The following WDR64 variants were observed in gnomAD, a reference collection of about 807,000 sequenced individuals.
The protein encoded by WDR64 is WD repeat-containing protein 64.
In WDR64, 112 loss-of-function variants were observed where a neutral mutation model predicts 139.3. The ratio of observed to expected loss-of-function variants is 0.80; its 90% CI spans 0.69 to 0.94. WDR64 has a LOEUF of 0.94. Ranked by LOEUF, WDR64 falls within the 40% of genes least tolerant of loss-of-function variation. The pLI is 0.00. For missense variants in WDR64, 1,206 were observed against 1,293.1 expected (o/e 0.93, Z 1.03); for synonymous variants, 444 against 437.7 (o/e 1.01, Z -0.18).
At chr1:241,699,273 A>G (rs951435734) in intron 8 of WDR64, among the ~76,000 whole-genome samples, 5 of 152,228 alleles carry the variant, frequency 3.3e-5, no homozygotes, top group African/African-American at 1.2e-4. Flanking sequence ...TTACCAATAC[A>G]TGCAACATTC....
chr1:241,657,115 T>C (rs1225671559), intron 1 of WDR64, among the ~76,000 whole-genome samples: 1 of 149,258 alleles, frequency 6.7e-6, no homozygotes, highest in East Asian at 1.9e-4. Context: ...CCACTTACCA[T>C]CCAACTGGGG....
At chr1:241,725,937 C>T (rs1482990825) in intron 10 of WDR64, among the ~76,000 whole-genome samples, 2 of 152,130 alleles carry the variant, frequency 1.3e-5, no homozygotes, top group South Asian at 2.1e-4. Flanking sequence ...GCTGTCTTGA[C>T]CTACTGGGCT....
chr1:241,771,951 T>TACATAC (rs1658465967), intron 19 of WDR64, among the ~76,000 whole-genome samples: 3 of 45,176 alleles, frequency 6.6e-5, no homozygotes, highest in South Asian at 8.6e-4. Context: ...CATACATATA[T>TACATAC]ATATATATAT....
chr1:241,765,903 G>A (rs553096114), intron 15 of WDR64, among the ~76,000 whole-genome samples: 12 of 152,160 alleles, frequency 7.9e-5, no homozygotes, highest in East Asian at 1.9e-4. Context: ...AACGACGAAC[G>A]TAGAATATTC....
chr1:241,684,737 T>A (rs953283246), intron 7 of WDR64, among the ~76,000 whole-genome samples: 4 of 152,108 alleles, frequency 2.6e-5, no homozygotes, highest in Non-Finnish European at 5.9e-5. Flanking sequence ...ATCAGTATGG[T>A]TATCACAGCT....
chr1:241,749,443 A>G, intron 13 of WDR64, 104 bp from the exon 14 acceptor site: 1 of 1,344,176 alleles, frequency 7.4e-7, no homozygotes, highest in Non-Finnish European at 1.0e-6. Context: ...TATAGGATAA[A>G]TTGTTGGCAG....
intron 17 of WDR64, among the ~76,000 whole-genome samples, chr1:241,769,949 A>G (rs11587777): frequency 0.17 from 25,340 of 152,178 alleles, 2,453 homozygotes; most frequent in African/African-American, 0.24. Flanking sequence ...CCATTTCTGA[A>G]AGAGCAAGGG....
intron 21 of WDR64, among the ~76,000 whole-genome samples, chr1:241,779,131 C>A (rs1658760289): frequency 6.6e-6 from 1 of 151,994 alleles, no homozygotes; most frequent in Non-Finnish European, 1.5e-5. Flanking sequence ...GTTAATTTTG[C>A]AAAGTACAGA....
chr1:241,797,460 A>G (rs1659399925), intron 27 of WDR64, among the ~76,000 whole-genome samples: 1 of 152,204 alleles, frequency 6.6e-6, no homozygotes, highest in Non-Finnish European at 1.5e-5. Context: ...AATTTTTTAT[A>G]AGTCTCCTTT....
intron 7 of WDR64, 70 bp downstream of exon 7, chr1:241,683,771 C>T (rs891317990): frequency 5.8e-6 from 7 of 1,204,140 alleles, no homozygotes; most frequent in Non-Finnish European, 6.7e-6. Flanking sequence ...CTTTATGGTA[C>T]AAAGTGAAAA....
In WDR64 at chr1:241,656,776, T is replaced by G. The variant is rs1665610968; in HGVS notation, c.146-3754T>G. 6.6e-6 allele frequency among the ~76,000 whole-genome samples: 1 copy of G among 152,086 alleles called. No individual in the cohort carries two copies. Among genetic ancestry groups the G allele is most frequent in the South Asian group, 2.1e-4 (1 of 4,824 alleles). ...GGGCTGTCTTGTGCATTGTAGGATG[T>G]TAAGCAGCGTCCTTGGCCTCTACTC... On this transcript the variant is annotated intron_variant, in intron 1 of 27. Transcript: ENST00000437684. This position sits in a 1 kb window ranked among gnomAD's most constrained non-coding sequence, Gnocchi z 4.3.
At position 241,652,446 on chromosome 1, in the gene WDR64, A is replaced by G; in HGVS notation, c.-39A>G. 1 of 1,531,716 alleles carries G rather than the reference A, an allele frequency of 6.5e-7. No homozygotes were observed. The highest frequency in any genetic ancestry group is 8.8e-7 in the Non-Finnish European group (1 of 1,139,102). The allele number at this position is 1,531,716 out of a possible 1,614,324, so 94.9% of individuals were successfully genotyped here. The stretch of plus-strand genomic sequence containing the variant: ...TTTTCCAAATTGGTAAACTTGCAGT[A>G]TTCTTTCTGTACAGAAGTAAAAGAT... On this transcript the variant is annotated 5_prime_UTR_variant, in exon 1 of 28. Coordinates refer to ENST00000437684, the MANE Select transcript of WDR64 (RefSeq NM_001367482.1).
At chr1:241,700,042 A>G (rs2148143836) in intron 8 of WDR64, among the ~76,000 whole-genome samples, 1 of 151,708 alleles carries the variant, frequency 6.6e-6, no homozygotes, top group East Asian at 2.0e-4. Context: ...TTTAGAAGAG[A>G]AATGATGAGC....
At chr1:241,683,366 A>T in intron 6 of WDR64, 121 bp from the exon 7 acceptor site, 2 of 864,594 alleles carry the variant, frequency 2.3e-6, no homozygotes, top group South Asian at 1.9e-5. Flanking sequence ...AAATTATCTT[A>T]TAAGATAGGT....
chr1:241,760,422 G>T (rs868739353), intron 15 of WDR64, among the ~76,000 whole-genome samples: 1 of 151,096 alleles, frequency 6.6e-6, no homozygotes. Context: ...TCTACACCCA[G>T]CTTCCCAGAA....
intron 8 of WDR64, among the ~76,000 whole-genome samples, chr1:241,688,636 T>C (rs1180733455): frequency 6.6e-6 from 1 of 152,196 alleles, no homozygotes; most frequent in East Asian, 1.9e-4. Context: ...AAGGCAGTTT[T>C]GTTGCCCCCA....
intron 15 of WDR64, among the ~76,000 whole-genome samples, chr1:241,760,360 A>C (rs1392123966): frequency 2.0e-5 from 3 of 150,952 alleles, no homozygotes; most frequent in African/African-American, 4.8e-5. Context: ...TATTTATATG[A>C]AAAAGACTTA....
chr1:241,757,557 A>T (rs957692761), intron 15 of WDR64, 98 bp downstream of exon 15: 6 of 1,121,814 alleles, frequency 5.3e-6, no homozygotes, highest in Non-Finnish European at 7.3e-6. Context: ...AAGAGCTTCT[A>T]TGTGTTATCA....
chr1:241,783,160 G>A, intron 22 of WDR64, 112 bp from the exon 23 acceptor site: 1 of 886,338 alleles, frequency 1.1e-6, no homozygotes, highest in South Asian at 1.5e-5. Flanking sequence ...TAGCACAGAT[G>A]TCTACATCTT....
Sources: gnomAD v4.1 joint callset for allele counts (sites outside exome capture counted in the v4.1 genomes callset) on GRCh38, gnomAD v4.1.1 for gene constraint, Gnocchi (gnomAD v3.1) non-coding constraint, MANE v1.5 for transcripts, NCBI Gene and HGNC (gene_info 2026-07-23, HGNC 2026-07-21) for gene names.